The following NELL1 variants were observed in gnomAD, a reference collection of about 807,000 sequenced individuals.
NELL1 encodes the protein protein kinase C-binding protein NELL1.
In NELL1, 76 loss-of-function variants were observed where a neutral mutation model predicts 107.4. That is an observed-to-expected ratio of 0.71 (90% CI 0.59 to 0.86). The LOEUF is 0.86. Among genes scored for constraint, NELL1 ranks in the 40% least tolerant of loss-of-function variants. The pLI, the probability that NELL1 is intolerant of heterozygous loss-of-function variation, is 0.00. For missense variants in NELL1, 1,024 were observed against 1,005.5 expected, an observed-to-expected ratio of 1.02 and a Z score of -0.25; for synonymous variants, 353 against 341.2, an observed-to-expected ratio of 1.03 and a Z score of -0.38.
At chr11:21,101,271 C>A (rs914073121) in intron 12 of NELL1, among the ~76,000 whole-genome samples, 1 of 152,180 alleles carries the variant, frequency 6.6e-6, no homozygotes, top group South Asian at 2.1e-4. Context: ...CAGGTCTTTG[C>A]TATTGTGAAT....
intron 11 of NELL1, among the ~76,000 whole-genome samples, chr11:20,949,114 A>ACCG (rs1851023647): frequency 6.6e-6 from 1 of 152,222 alleles, no homozygotes; most frequent in African/African-American, 2.4e-5. Context: ...AATGGGTGTG[A>ACCG]CCATGTTCCA....
At chr11:21,437,948 G>A (rs1034262864) in intron 15 of NELL1, among the ~76,000 whole-genome samples, 1 of 152,132 alleles carries the variant, frequency 6.6e-6, no homozygotes, top group Non-Finnish European at 1.5e-5. Flanking sequence ...GTTGGTTTCT[G>A]AAGTGTTTTG....
chr11:20,720,592 T>C (rs953561434), intron 2 of NELL1, among the ~76,000 whole-genome samples: 3 of 152,144 alleles, frequency 2.0e-5, no homozygotes, highest in African/African-American at 7.2e-5. Context: ...ACAGAATTTT[T>C]TCTTTCCATT....
intron 13 of NELL1, among the ~76,000 whole-genome samples, chr11:21,142,979 T>C (rs770070250): frequency 4.6e-5 from 7 of 152,186 alleles, no homozygotes; most frequent in African/African-American, 7.2e-5. Context: ...TCCCAACTTA[T>C]ATGTAAGTAA....
chr11:21,337,796 C>CTTG (rs71034504), intron 14 of NELL1, among the ~76,000 whole-genome samples: 3 of 122,194 alleles, frequency 2.5e-5, no homozygotes, highest in South Asian at 2.9e-4. Flanking sequence ...TTCTTTCTTT[C>CTTG]CTTCTTTCTT....
chr11:21,061,282 A>G (rs1853735634), intron 12 of NELL1, among the ~76,000 whole-genome samples: 1 of 152,218 alleles, frequency 6.6e-6, no homozygotes, highest in East Asian at 1.9e-4. Context: ...ATTTCAAGTC[A>G]TGATAAAACA....
intron 13 of NELL1, among the ~76,000 whole-genome samples, chr11:21,136,552 G>A (rs948427682): frequency 6.6e-6 from 1 of 152,114 alleles, no homozygotes; most frequent in African/African-American, 2.4e-5. Flanking sequence ...GTTCAAAGAG[G>A]TGGCACAGGA....
chr11:20,695,277 C>G (rs1854584985), intron 2 of NELL1, among the ~76,000 whole-genome samples: 1 of 152,028 alleles, frequency 6.6e-6, no homozygotes, highest in African/African-American at 2.4e-5. Context: ...TATTTGGATG[C>G]CTTTAATGTC....
chr11:20,939,763 A>G (rs562677600), intron 10 of NELL1, among the ~76,000 whole-genome samples: 1 of 152,266 alleles, frequency 6.6e-6, no homozygotes, highest in Admixed American at 6.5e-5. Context: ...TCATTAGGTG[A>G]TGACGAGATA....
intron 12 of NELL1, among the ~76,000 whole-genome samples, chr11:21,003,320 T>C (rs181327366): frequency 6.6e-6 from 1 of 152,290 alleles, no homozygotes; most frequent in Admixed American, 6.5e-5. Context: ...GGGGAAATAA[T>C]TGGTGAACAA....
intron 13 of NELL1, among the ~76,000 whole-genome samples, chr11:21,147,333 G>A (rs552344688): frequency 4.6e-5 from 7 of 152,240 alleles, no homozygotes; most frequent in Middle Eastern, 3.4e-3. Flanking sequence ...GTAATGTGCC[G>A]CATTCCCCAA....
At chr11:21,387,914 A>T (rs970075561) in intron 15 of NELL1, among the ~76,000 whole-genome samples, 9 of 129,690 alleles carry the variant, frequency 6.9e-5, no homozygotes, top group Non-Finnish European at 1.1e-4. Context: ...TTATCTTTTT[A>T]AAAAATCTCA....
intron 15 of NELL1, among the ~76,000 whole-genome samples, chr11:21,473,242 A>G (rs1156995252): frequency 2.0e-5 from 3 of 152,028 alleles, no homozygotes; most frequent in Non-Finnish European, 2.9e-5. Context: ...GCAAATAAAG[A>G]TGAGAAATCT....
chr11:21,181,999 G>A (rs985859442), intron 13 of NELL1, among the ~76,000 whole-genome samples: 2 of 151,872 alleles, frequency 1.3e-5, no homozygotes, highest in Non-Finnish European at 2.9e-5. Context: ...AGTAAATACT[G>A]TTATTATCCC....
rs80113441 is a variant in NELL1 at position 21,193,301 on chromosome 11, T to C, written c.1427-36031T>C. Among the ~76,000 whole-genome samples the C allele has an allele frequency of 3.8e-3, 584 of 151,814 alleles. 22 individuals carry two copies. The highest frequency in any genetic ancestry group is 0.014 in the African/African-American group (563 of 41,160). On this transcript the variant is annotated intron_variant, in intron 13 of 19. Transcript: ENST00000357134. ...TTGTAATGTTCAGCAGTTTTGATAC[T>C]CTTAGGTCAATCAGAAATAAAGCAC...
chr11:20,863,444 C>G (rs1383275777), intron 4 of NELL1, among the ~76,000 whole-genome samples: 1 of 131,850 alleles, frequency 7.6e-6, no homozygotes. Context: ...GGCTGCTGGG[C>G]GGAGGGGCTC....
At chr11:20,975,344 A>C (rs115178425) in intron 12 of NELL1, among the ~76,000 whole-genome samples, 4 of 151,842 alleles carry the variant, frequency 2.6e-5, no homozygotes, top group Admixed American at 6.6e-5. Flanking sequence ...TCTTTAACAC[A>C]TCTAAATGTA....
intron 12 of NELL1, among the ~76,000 whole-genome samples, chr11:21,100,591 A>G (rs1854780505): frequency 6.6e-6 from 1 of 152,178 alleles, no homozygotes; most frequent in South Asian, 2.1e-4. Context: ...CAACAATTCC[A>G]TTTGTAGACA....
chr11:21,172,787 T>C (rs567334490), intron 13 of NELL1, among the ~76,000 whole-genome samples: 3 of 151,940 alleles, frequency 2.0e-5, no homozygotes, highest in Admixed American at 6.6e-5. Flanking sequence ...GTAACTCTTA[T>C]ATAATTCCTT....
Sources: gnomAD v4.1 joint callset for allele counts (sites outside exome capture counted in the v4.1 genomes callset) on GRCh38, gnomAD v4.1.1 for gene constraint, MANE v1.5 for transcripts, NCBI Gene and HGNC (gene_info 2026-07-23, HGNC 2026-07-21) for gene names.